The following SORCS2 variants were observed in gnomAD, a reference collection of about 807,000 sequenced individuals.
SORCS2 encodes VPS10 domain-containing receptor SorCS2.
SORCS2 carries 100 observed loss-of-function variants against 141.6 expected under a neutral mutation model. The observed-to-expected ratio is 0.71, with a 90% CI of 0.60 to 0.83. The LOEUF is 0.83. Among genes scored for constraint, SORCS2 ranks in the 40% least tolerant of loss-of-function variants. SORCS2 has a pLI of 0.00. For missense variants in SORCS2, 1,646 were observed against 1,560.2 expected (o/e 1.05, Z -0.93); for synonymous variants, 789 against 676.9 (o/e 1.17, Z -2.57).
At chr4:7,685,796 A>C (rs1250260692) in intron 10 of SORCS2, among the ~76,000 whole-genome samples, 1 of 152,178 alleles carries the variant, frequency 6.6e-6, no homozygotes, top group South Asian at 2.1e-4. Context: ...AAGTTGGGCC[A>C]CTCACAGCAC....
chr4:7,242,062 G>A (rs1446704106), intron 1 of SORCS2, among the ~76,000 whole-genome samples: 2 of 152,168 alleles, frequency 1.3e-5, no homozygotes, highest in African/African-American at 4.8e-5. Context: ...CATCACCTAG[G>A]CAGCTTCAGG....
chr4:7,227,916 G>C (rs1042930082), intron 1 of SORCS2, among the ~76,000 whole-genome samples: 1 of 152,202 alleles, frequency 6.6e-6, no homozygotes, highest in Non-Finnish European at 1.5e-5. Flanking sequence ...ATGGACACCT[G>C]CTTTCTCCTT....
At chr4:7,276,984 G>C (rs1324319370) in intron 1 of SORCS2, among the ~76,000 whole-genome samples, 4 of 152,184 alleles carry the variant, frequency 2.6e-5, no homozygotes, top group Admixed American at 2.0e-4. Flanking sequence ...CCACACTAGA[G>C]TGACCCTGTA....
intron 1 of SORCS2, among the ~76,000 whole-genome samples, chr4:7,219,600 C>T (rs1728575135): frequency 6.6e-6 from 1 of 152,194 alleles, no homozygotes; most frequent in South Asian, 2.1e-4. Flanking sequence ...GGAAGAAGTA[C>T]AGCAGGGGAA....
At chr4:7,424,676 C>G (rs1242461713) in intron 2 of SORCS2, among the ~76,000 whole-genome samples, 2 of 152,198 alleles carry the variant, frequency 1.3e-5, no homozygotes, top group Non-Finnish European at 2.9e-5. Flanking sequence ...AGCTCCCCAG[C>G]CCAGAGTCCC....
At position 7,737,140 on chromosome 4, in the gene SORCS2, G is replaced by A. The variant is rs1206929902; in HGVS notation, c.3383G>A (p.Ser1128Asn). The A allele has an allele frequency of 8.4e-6, 13 of 1,551,416 alleles. No individual in the cohort carries two copies. The highest frequency in any genetic ancestry group is 1.1e-5 in the Non-Finnish European group (13 of 1,146,934). The change falls in exon 26 of 27, where the codon AGT becomes AAT. Residue 1128 changes from serine to asparagine, a missense_variant. Transcript: ENST00000507866. Reference sequence around the variant, plus strand: ...GAGCAGGAGATGACCAGCCCTGTGAGTCACAGTGAGGACGTCCAGGGCGCT... The same window carrying A: ...GAGCAGGAGATGACCAGCCCTGTGAATCACAGTGAGGACGTCCAGGGCGCT... ...EKEQEMTSPVSHSEDVQGAVQ... is the reference protein window; with the variant it reads ...EKEQEMTSPVNHSEDVQGAVQ...
chr4:7,306,628 G>A (rs947105224), intron 1 of SORCS2, among the ~76,000 whole-genome samples: 2 of 152,214 alleles, frequency 1.3e-5, no homozygotes, highest in Non-Finnish European at 2.9e-5. Context: ...GCATGCCTGG[G>A]AATCGCCTTC....
intron 1 of SORCS2, among the ~76,000 whole-genome samples, chr4:7,335,950 C>T (rs1026886251): frequency 6.6e-6 from 1 of 152,224 alleles, no homozygotes; most frequent in African/African-American, 2.4e-5. Context: ...GCTCGTGTCT[C>T]AGCTCTGCCC....
intron 2 of SORCS2, among the ~76,000 whole-genome samples, chr4:7,435,899 C>G (rs540749102): frequency 6.6e-6 from 1 of 152,244 alleles, no homozygotes; most frequent in Non-Finnish European, 1.5e-5. Context: ...GGGGGCTCCC[C>G]TAGCCCCACA....
chr4:7,319,899 A>G (rs924661330), intron 1 of SORCS2, among the ~76,000 whole-genome samples: 6 of 152,204 alleles, frequency 3.9e-5, no homozygotes, highest in African/African-American at 1.4e-4. Flanking sequence ...CTAATCCTTA[A>G]TGATTCCCCC....
At chr4:7,654,109 T>G in intron 4 of SORCS2, 25 bp from the exon 5 acceptor site, 2 of 1,555,118 alleles carry the variant, frequency 1.3e-6, no homozygotes, top group Non-Finnish European at 1.7e-6. Context: ...TGACCAAGCT[T>G]TTGTTTCTTT....
At chr4:7,309,701 G>A (rs893724639) in intron 1 of SORCS2, among the ~76,000 whole-genome samples, 2 of 152,184 alleles carry the variant, frequency 1.3e-5, no homozygotes, top group Non-Finnish European at 2.9e-5. Flanking sequence ...TTCTTTCCTC[G>A]AGGCTCTGGG....
In SORCS2 at chr4:7,192,879, C is replaced by A. The variant is rs1384194819; in HGVS notation, c.233C>A (p.Pro78His). Residue 78 changes from proline to histidine, a missense_variant, in exon 1 of 27, where the codon CCC (proline) becomes CAC (histidine). Coordinates refer to ENST00000507866, the MANE Select transcript of SORCS2 (RefSeq NM_020777.3). This position sits in a 1 kb window ranked among gnomAD's most constrained non-coding sequence, Gnocchi z 4.0. ...AGCCCTCCCGCGGGGCGCGCGGAGC[C>A]CGGTGGCGGCGAGGACCGGCAGGCG... ...PRSPPAGRAEPGGGEDRQARG... is the reference protein window; with the variant it reads ...PRSPPAGRAEHGGGEDRQARG... 40 of 1,100,098 alleles carry A rather than the reference C, an allele frequency of 3.6e-5. No individual in the cohort carries two copies. Among genetic ancestry groups the A allele is most frequent in the Non-Finnish European group, 4.4e-5 (40 of 905,828 alleles). The allele number at this position is 1,100,098 out of a possible 1,614,324, so 68.1% of individuals were successfully genotyped here. A position where few individuals can be genotyped will look rare whatever the true frequency, so the allele number is the denominator to read the frequency against.
chr4:7,215,987 A>G (rs1451199333), intron 1 of SORCS2, among the ~76,000 whole-genome samples: 1 of 151,912 alleles, frequency 6.6e-6, no homozygotes, highest in East Asian at 1.9e-4. Context: ...CCCCTTCCAC[A>G]CTGTGGAAGC....
intron 1 of SORCS2, among the ~76,000 whole-genome samples, chr4:7,353,003 G>A (rs1013333137): frequency 6.6e-6 from 1 of 152,176 alleles, no homozygotes; most frequent in Non-Finnish European, 1.5e-5. Flanking sequence ...GAGGGTTCTT[G>A]TTCAACCTGA....
chr4:7,604,564 G>A lies in SORCS2; in HGVS notation c.649-33764G>A, dbSNP rs915732766. Among the ~76,000 whole-genome samples the A allele has an allele frequency of 1.8e-4, 28 of 152,314 alleles. No homozygotes were observed. In the South Asian group the frequency reaches 2.1e-3, roughly 11 times the overall value. On this transcript the variant is annotated intron_variant, in intron 3 of 26. Transcript: ENST00000507866. ...CATCCCCGCCTCGGCCTCCCAAAGT[G>A]CTGGGATTACAGGCATGAGCCGCCG...
intron 1 of SORCS2, among the ~76,000 whole-genome samples, chr4:7,249,838 T>TAAAA (rs553041339): frequency 1.8e-3 from 268 of 152,252 alleles, no homozygotes; most frequent in Middle Eastern, 6.8e-3. Context: ...CTCTCTCTGG[T>TAAAA]AAAAGCTGGA....
At chr4:7,635,815 C>T (rs4689813) in intron 3 of SORCS2, among the ~76,000 whole-genome samples, 92,238 of 152,006 alleles carry the variant, frequency 0.61, 28,365 homozygotes, top group East Asian at 0.95. Context: ...TCGCTCTCCA[C>T]GGAGGCCACA....
chr4:7,555,306 C>T (rs2109649253), intron 3 of SORCS2, among the ~76,000 whole-genome samples: 1 of 152,342 alleles, frequency 6.6e-6, no homozygotes, highest in South Asian at 2.1e-4. Context: ...CTGCAAGTAG[C>T]TAAAAGCAGG....
Sources: gnomAD v4.1 joint callset for allele counts (sites outside exome capture counted in the v4.1 genomes callset) on GRCh38, gnomAD v4.1.1 for gene constraint, Gnocchi (gnomAD v3.1) non-coding constraint, MANE v1.5 for transcripts, NCBI Gene and HGNC (gene_info 2026-07-23, HGNC 2026-07-21) for gene names.